Variants in RBFOX1 observed in about 807,000 individuals in gnomAD.
The protein encoded by RBFOX1 is RNA binding protein fox-1 homolog 1.
RBFOX1 carries 8 observed loss-of-function variants against 57.7 expected under a neutral mutation model. That is an observed-to-expected ratio of 0.14 (90% CI 0.08 to 0.25). RBFOX1 has a LOEUF of 0.25. Ranked by LOEUF, RBFOX1 falls within the 10% of genes least tolerant of loss-of-function variation. The pLI, the probability that RBFOX1 is intolerant of heterozygous loss-of-function variation, is 1.00. For synonymous variants in RBFOX1, 326 were observed against 222.4 expected, an observed-to-expected ratio of 1.47 and a Z score of -4.15; for missense variants, 611 against 548.5, an observed-to-expected ratio of 1.11 and a Z score of -1.14.
intron 1 of RBFOX1, among the ~76,000 whole-genome samples, chr16:6,121,856 C>T (rs1294061144): frequency 1.3e-5 from 2 of 152,144 alleles, no homozygotes; most frequent in Non-Finnish European, 2.9e-5. Context: ...TGAGGCAATA[C>T]CTGTAAAATG....
chr16:5,872,342 C>G (rs569003888), intron 4 of RBFOX1, among the ~76,000 whole-genome samples: 1 of 152,296 alleles, frequency 6.6e-6, no homozygotes, highest in South Asian at 2.1e-4. Context: ...TGACTGTAGT[C>G]AAGTTACTTA....
At chr16:6,685,807 T>G (rs1354819690) in intron 3 of RBFOX1, among the ~76,000 whole-genome samples, 1 of 152,162 alleles carries the variant, frequency 6.6e-6, no homozygotes, top group Non-Finnish European at 1.5e-5. Flanking sequence ...CTTCACTCAA[T>G]GTTGTTTTCA....
chr16:5,527,126 A>G (rs961692785), intron 2 of RBFOX1, among the ~76,000 whole-genome samples: 2 of 152,202 alleles, frequency 1.3e-5, no homozygotes, highest in African/African-American at 4.8e-5. Flanking sequence ...ACATATTGGA[A>G]AGGCTGGTGG....
At chr16:6,054,853 G>A (rs185489556) in intron 1 of RBFOX1, among the ~76,000 whole-genome samples, 32 of 151,996 alleles carry the variant, frequency 2.1e-4, no homozygotes, top group African/African-American at 7.3e-4. Context: ...CACAATCTTG[G>A]TTCACTGCAA....
At chr16:6,654,567 T>C in intron 2 of RBFOX1, 36 bp from the exon 3 acceptor site, 2 of 1,478,894 alleles carry the variant, frequency 1.4e-6, no homozygotes, top group East Asian at 5.1e-5. Context: ...ACTCCTGTTC[T>C]TTCTCTCACT....
At chr16:7,419,585 C>T (rs1484194505) in intron 4 of RBFOX1, among the ~76,000 whole-genome samples, 1 of 152,240 alleles carries the variant, frequency 6.6e-6, no homozygotes, top group Non-Finnish European at 1.5e-5. Context: ...GACCTCCTGC[C>T]TAATTAGCTG....
intron 11 of RBFOX1, among the ~76,000 whole-genome samples, chr16:7,640,970 G>GCC (rs1227231193): frequency 1.3e-5 from 2 of 151,664 alleles, no homozygotes; most frequent in East Asian, 3.9e-4. Flanking sequence ...GGGGCCAACG[G>GCC]CAAGATCTTG....
chr16:5,259,202 G>A (rs1184314972), intron 1 of RBFOX1, among the ~76,000 whole-genome samples: 1 of 150,586 alleles, frequency 6.6e-6, no homozygotes, highest in Non-Finnish European at 1.5e-5. Context: ...TTTTTTTTTA[G>A]TGTTTTCCAT....
At chr16:5,555,933 A>G (rs944768371) in intron 2 of RBFOX1, among the ~76,000 whole-genome samples, 1 of 152,094 alleles carries the variant, frequency 6.6e-6, no homozygotes, top group Non-Finnish European at 1.5e-5. Context: ...AGACGGGAGA[A>G]TCGCTTGAAC....
In RBFOX1 at chr16:5,293,359, C is replaced by G. The variant is rs2063581198; in HGVS notation, c.219+53254C>G. Among the ~76,000 whole-genome samples the G allele has an allele frequency of 2.0e-5, 3 of 152,170 alleles. No homozygotes were observed. The South Asian group carries it at 6.2e-4, about 32-fold the overall frequency. ...TTGCTGTTATCACACCTCATCCCCA[C>G]CTCTGCTAGGCATCCACAAATAGTC... On this transcript the variant is annotated intron_variant, in intron 1 of 2. Transcript: ENST00000585867.
intron 3 of RBFOX1, among the ~76,000 whole-genome samples, chr16:5,758,303 T>C (rs569382598): frequency 1.3e-5 from 2 of 152,330 alleles, no homozygotes; most frequent in South Asian, 4.1e-4. Context: ...AATGTTGCCA[T>C]AGTTACCTCT....
intron 4 of RBFOX1, among the ~76,000 whole-genome samples, chr16:6,006,989 G>C (rs959764235): frequency 6.6e-6 from 1 of 152,150 alleles, no homozygotes; most frequent in African/African-American, 2.4e-5. Context: ...TTCTGGGAAT[G>C]GGGATGTGAC....
At chr16:6,865,932 T>A (rs2142948611) in intron 3 of RBFOX1, among the ~76,000 whole-genome samples, 1 of 152,232 alleles carries the variant, frequency 6.6e-6, no homozygotes, top group African/African-American at 2.4e-5. Context: ...AGCCACCTCA[T>A]TTGGTTCTTG....
intron 2 of RBFOX1, among the ~76,000 whole-genome samples, chr16:6,544,830 C>A (rs1357353657): frequency 1.3e-5 from 2 of 152,134 alleles, no homozygotes; most frequent in African/African-American, 4.8e-5. Context: ...GTACCCACGA[C>A]CAGTGATATT....
intron 4 of RBFOX1, among the ~76,000 whole-genome samples, chr16:7,139,585 C>G (rs2073084912): frequency 6.6e-6 from 1 of 152,108 alleles, no homozygotes; most frequent in African/African-American, 2.4e-5. Flanking sequence ...ACTTCTACTA[C>G]TACTACTTTT....
At chr16:5,544,951 C>CTTTTTTTTGT (rs2045124427) in intron 2 of RBFOX1, among the ~76,000 whole-genome samples, 1 of 124,362 alleles carries the variant, frequency 8.0e-6, no homozygotes, top group African/African-American at 3.5e-5. Context: ...CTATTACATT[C>CTTTTTTTTGT]TTTTTTTTTT....
intron 3 of RBFOX1, among the ~76,000 whole-genome samples, chr16:6,695,650 A>T (rs953924385): frequency 2.6e-5 from 4 of 152,166 alleles, no homozygotes; most frequent in African/African-American, 9.7e-5. Context: ...GTAAAAGACG[A>T]TCATAGTGTC....
intron 3 of RBFOX1, among the ~76,000 whole-genome samples, chr16:5,635,734 G>C (rs2048663108): frequency 6.6e-6 from 1 of 152,084 alleles, no homozygotes; most frequent in Non-Finnish European, 1.5e-5. Context: ...GCCATCTTGG[G>C]TGCATTTGTA....
intron 3 of RBFOX1, among the ~76,000 whole-genome samples, chr16:6,876,260 T>C (rs11646938): frequency 1.3e-5 from 2 of 152,078 alleles, no homozygotes. Flanking sequence ...CCAGTCTTTC[T>C]ATTCTTGGGA....
Sources: allele counts gnomAD v4.1 joint callset (sites outside exome capture counted in the v4.1 genomes callset), GRCh38; gene constraint gnomAD v4.1.1; transcripts MANE v1.5; gene names NCBI Gene and HGNC (gene_info 2026-07-23, HGNC 2026-07-21).